The following SUGP1 variants were observed in gnomAD, a reference collection of about 807,000 sequenced individuals.
SUGP1 encodes SURP and G-patch domain-containing protein 1.
A neutral mutation model predicts 76.5 loss-of-function variants in SUGP1; 34 were observed. That is an observed-to-expected ratio of 0.44 (90% CI 0.34 to 0.59). SUGP1 has a LOEUF of 0.59. SUGP1 is among the 20% of genes least tolerant of loss of function. SUGP1 has a pLI of 0.01. For synonymous variants in SUGP1, 326 were observed against 326.2 expected, an observed-to-expected ratio of 1.00 and a Z score of 0.01; for missense variants, 752 against 851.7, an observed-to-expected ratio of 0.88 and a Z score of 1.46.
chr19:19,278,702 G>A lies in SUGP1; in HGVS notation c.1623C>T (p.Phe541=). ...CCTCCTGGCTCACCTTCAGGGCCTT[G>A]AAGGTCTCCATAAACTTTTCCAGCT... ...PDELEKFMET[F]KALKEGREPD... The change falls in exon 11 of 14, where the codon TTC becomes TTT. Residue 541 remains phenylalanine, a synonymous_variant. Transcript: ENST00000247001. 1 of 1,613,152 alleles carries A rather than the reference G, an allele frequency of 6.2e-7. No individual in the cohort carries two copies. The highest frequency in any genetic ancestry group is 1.7e-4 in the Middle Eastern group (1 of 6,058).
At chr19:19,316,693 A>T (rs1182517019) in intron 1 of SUGP1, 100 bp from the exon 2 acceptor site, 11 of 1,293,988 alleles carry the variant, frequency 8.5e-6, no homozygotes, top group Non-Finnish European at 1.2e-5. Flanking sequence ...AGATTAATTT[A>T]TATGTCTATT....
chr19:19,277,597 A>G (rs2061063558), intron 12 of SUGP1, 137 bp downstream of exon 12: 1 of 1,174,356 alleles, frequency 8.5e-7, no homozygotes, highest in Admixed American at 2.4e-5. Context: ...GTGCCTGACA[A>G]GGGGTGTGCA....
At chr19:19,289,926 C>G (rs1285803464) in intron 8 of SUGP1, among the ~76,000 whole-genome samples, 1 of 152,064 alleles carries the variant, frequency 6.6e-6, no homozygotes, top group Non-Finnish European at 1.5e-5. Context: ...GAAAAAATCC[C>G]TCAAGTCAAG....
chr19:19,303,000 G>C (rs115400656), intron 6 of SUGP1, among the ~76,000 whole-genome samples: 93 of 152,218 alleles, frequency 6.1e-4, no homozygotes, highest in African/African-American at 2.2e-3. Flanking sequence ...GAGGAAGCTG[G>C]GGCTCATCAA....
chr19:19,282,917 A>T (rs1490405302), intron 8 of SUGP1, among the ~76,000 whole-genome samples: 1 of 152,018 alleles, frequency 6.6e-6, no homozygotes, highest in Admixed American at 6.6e-5. Context: ...CTCTACTAAA[A>T]ATACAAAAAA....
At chr19:19,283,421 C>T (rs1462171423) in intron 8 of SUGP1, among the ~76,000 whole-genome samples, 1 of 151,136 alleles carries the variant, frequency 6.6e-6, no homozygotes, top group Non-Finnish European at 1.5e-5. Context: ...CTACAGGCAC[C>T]TGCCACCATG....
intron 8 of SUGP1, among the ~76,000 whole-genome samples, chr19:19,288,531 C>A: frequency 6.6e-6 from 1 of 151,912 alleles, no homozygotes; most frequent in East Asian, 1.9e-4. Flanking sequence ...CTGAGGTGGG[C>A]AGACCACTTG....
At chr19:19,318,956 C>G (rs1306772720) in intron 1 of SUGP1, among the ~76,000 whole-genome samples, 1 of 152,186 alleles carries the variant, frequency 6.6e-6, no homozygotes, top group Non-Finnish European at 1.5e-5. Context: ...TGGTGACTCA[C>G]ACCTGTAATC....
At chr19:19,293,769 T>G (rs113610638) in intron 8 of SUGP1, among the ~76,000 whole-genome samples, 4,274 of 152,240 alleles carry the variant, frequency 0.028, 86 homozygotes, top group East Asian at 0.065. Flanking sequence ...AATACGGTAC[T>G]AGAAGTCCTA....
chr19:19,297,301 G>C lies in SUGP1; in HGVS notation c.931C>G (p.Gln311Glu), dbSNP rs1456652583. 4.5e-6 allele frequency: 7 copies of C among 1,542,428 alleles called. No homozygotes were observed. The highest frequency in any genetic ancestry group is 2.3e-5 in the East Asian group (1 of 44,036). Residue 311 changes from glutamine (Q) to glutamate (E), a missense_variant, in exon 8 of 14, where the codon CAG becomes GAG. Coordinates refer to ENST00000247001, the MANE Select transcript of SUGP1 (RefSeq NM_172231.4). ...PNSQGYKYYRQKLEEFRKAKA... is the reference protein window; with the variant it reads ...PNSQGYKYYREKLEEFRKAKA... The stretch of plus-strand genomic sequence containing the variant: ...GCTTTCCGGAACTCCTCCAGCTTCT[G>C]TCGGTAGTACTTGTACCCTTGGCTA...
chr19:19,287,500 T>A (rs776756596), intron 8 of SUGP1, among the ~76,000 whole-genome samples: 14 of 152,212 alleles, frequency 9.2e-5, no homozygotes, highest in Admixed American at 2.0e-4. Flanking sequence ...GGGCAGAGGC[T>A]GCAGTGAGCT....
At chr19:19,286,361 A>G (rs1599848975) in intron 8 of SUGP1, among the ~76,000 whole-genome samples, 1 of 152,324 alleles carries the variant, frequency 6.6e-6, no homozygotes. Flanking sequence ...AAGCTACGGA[A>G]GAGAACCTCA....
At chr19:19,277,251 C>CG (rs3214183) in intron 12 of SUGP1, among the ~76,000 whole-genome samples, 175 bp from the exon 13 acceptor site, 8,722 of 96,106 alleles carry the variant, frequency 0.091, 365 homozygotes, top group Non-Finnish European at 0.1. Context: ...CCGGGGCGGG[C>CG]GGGGGGGGGG....
In SUGP1 at chr19:19,277,004, C is replaced by A. The variant is rs2061055425; in HGVS notation, c.1854G>T (p.Glu618Asp). The A allele has an allele frequency of 6.2e-7, 1 of 1,613,052 alleles. No homozygotes were observed. Among genetic ancestry groups the A allele is most frequent in the Non-Finnish European group, 8.5e-7 (1 of 1,180,030 alleles). ...TCATCCTCTTGCGGAACGCCTCATA[C>A]TCGTCGTCCTCCTTGGAGAGCTCCG... is the stretch of plus-strand genomic sequence containing the variant. ...RPAELSKEDD[E>D]YEAFRKRMML... is the part of the protein sequence containing the mutation. The change falls in exon 13 of 14, where the codon GAG (glutamate) becomes GAT (aspartate). Residue 618 changes from glutamate (E) to aspartate (D), a missense_variant. Around this residue, in one of 2 missense-constraint regions of SUGP1, gnomAD observed 132 missense variants for 234.4 expected, o/e 0.56. Coordinates refer to ENST00000247001, the MANE Select transcript of SUGP1 (RefSeq NM_172231.4).
intron 8 of SUGP1, 144 bp downstream of exon 8, chr19:19,296,845 G>C (rs1000605085): frequency 1.0e-5 from 7 of 675,294 alleles, no homozygotes; most frequent in African/African-American, 3.6e-5. Flanking sequence ...AGCCAAATGT[G>C]GTATGTACAC....
At chr19:19,304,924 T>C (rs985891396) in intron 4 of SUGP1, among the ~76,000 whole-genome samples, 2 of 152,118 alleles carry the variant, frequency 1.3e-5, no homozygotes, top group Non-Finnish European at 2.9e-5. Flanking sequence ...CCTGACCTGG[T>C]TGCTGTTTAC....
intron 8 of SUGP1, among the ~76,000 whole-genome samples, chr19:19,288,236 G>A (rs1028409161): frequency 6.6e-6 from 1 of 152,082 alleles, no homozygotes; most frequent in African/African-American, 2.4e-5. Flanking sequence ...CACGATCATA[G>A]CTCACTGCAG....
chr19:19,312,870 G>C (rs1361759053), intron 2 of SUGP1, among the ~76,000 whole-genome samples: 1 of 151,042 alleles, frequency 6.6e-6, no homozygotes, highest in Admixed American at 6.6e-5. Flanking sequence ...GGCACCTGCA[G>C]TCCCAGCTAC....
At chr19:19,287,685 G>C (rs1483746194) in intron 8 of SUGP1, among the ~76,000 whole-genome samples, 7 of 152,188 alleles carry the variant, frequency 4.6e-5, no homozygotes, top group Non-Finnish European at 1.0e-4. Flanking sequence ...GAAGAAGCCG[G>C]AGAAGCGGCA....
Sources: allele counts gnomAD v4.1 joint callset (sites outside exome capture counted in the v4.1 genomes callset), GRCh38; gene constraint gnomAD v4.1.1; regional missense constraint gnomAD v4.1.1; transcripts MANE v1.5; gene names NCBI Gene and HGNC (gene_info 2026-07-23, HGNC 2026-07-21).